RGS7: variants seen among roughly 807,000 people sequenced by gnomAD.
The protein encoded by RGS7 is regulator of G-protein signaling 7.
In RGS7, 27 loss-of-function variants were observed where a neutral mutation model predicts 81.1. The observed-to-expected ratio is 0.33, with a 90% CI of 0.25 to 0.46. The LOEUF (loss-of-function observed/expected upper bound fraction) is 0.46. Among genes scored for constraint, RGS7 ranks in the 20% least tolerant of loss-of-function variants. The pLI is 1.00. For synonymous variants in RGS7, 208 were observed against 207.7 expected, an observed-to-expected ratio of 1.00 and a Z score of -0.01; for missense variants, 396 against 607.4, an observed-to-expected ratio of 0.65 and a Z score of 3.66.
At position 241,290,364 on chromosome 1, in the gene RGS7, T is replaced by G. The variant is rs145358443; in HGVS notation, c.78+65335A>C. Among the ~76,000 whole-genome samples, 75 of 152,348 alleles carry G rather than the reference T, an allele frequency of 4.9e-4. No homozygotes were observed. In the East Asian group the frequency reaches 0.011, roughly 22 times the overall value. On this transcript the variant is annotated intron_variant, in intron 2 of 18. Coordinates refer to ENST00000440928, the MANE Select transcript of RGS7 (RefSeq NM_001364886.1). Reference sequence around the variant, plus strand: ...TAACAGATTGAATTTTTAAAATATATGAATAACTTTTCTGACAAAAGCTTA... The same window carrying G: ...TAACAGATTGAATTTTTAAAATATAGGAATAACTTTTCTGACAAAAGCTTA...
At chr1:240,992,043 G>A (rs1350140891) in intron 3 of RGS7, among the ~76,000 whole-genome samples, 2 of 152,220 alleles carry the variant, frequency 1.3e-5, no homozygotes, top group East Asian at 3.8e-4. Flanking sequence ...TGCTGTATCT[G>A]TTGACAGGTA....
At chr1:241,200,195 AAAT>A (rs1558182350) in intron 2 of RGS7, among the ~76,000 whole-genome samples, 1 of 152,194 alleles carries the variant, frequency 6.6e-6, no homozygotes, top group African/African-American at 2.4e-5. Context: ...CTGGAACTGA[AAAT>A]AATAACAAAA....
rs1176230220 is a variant in RGS7, at chr1:240,881,808, TAAAGTA to T, written c.386-11695_386-11690del. Among the ~76,000 whole-genome samples, 4 of 152,270 alleles carry T rather than the reference TAAAGTA, an allele frequency of 2.6e-5. 1 individual carries two copies. Among genetic ancestry groups the T allele is most frequent in the African/African-American group, 9.6e-5 (4 of 41,558 alleles). On this transcript the variant is annotated intron_variant, in intron 6 of 18. Transcript: ENST00000440928. ...CATAGTAATAAAGACTGTGTTGTCATAAAGTAAGAGTAAGAGTTAACTACTATATGG... is the reference window on the plus strand; with the variant it reads ...CATAGTAATAAAGACTGTGTTGTCATAGAGTAAGAGTTAACTACTATATGG...
intron 2 of RGS7, among the ~76,000 whole-genome samples, chr1:241,353,198 C>T (rs1278761504): frequency 6.6e-6 from 1 of 152,134 alleles, no homozygotes; most frequent in Non-Finnish European, 1.5e-5. Flanking sequence ...GTGTTTATTC[C>T]TTTATGAAGG....
intron 6 of RGS7, among the ~76,000 whole-genome samples, chr1:240,890,539 T>A (rs1331539071): frequency 6.6e-6 from 1 of 152,022 alleles, no homozygotes; most frequent in Non-Finnish European, 1.5e-5. Context: ...TTGCTTAAAG[T>A]TAAAAATAAT....
chr1:240,819,841 C>T (rs928667504), intron 10 of RGS7, among the ~76,000 whole-genome samples: 12 of 152,174 alleles, frequency 7.9e-5, no homozygotes, highest in Admixed American at 2.6e-4. Context: ...GCTACTTGCT[C>T]TGAAGTTACT....
At chr1:241,043,663 AT>A (rs1198248188) in intron 3 of RGS7, among the ~76,000 whole-genome samples, 1 of 145,266 alleles carries the variant, frequency 6.9e-6, no homozygotes, top group African/African-American at 2.6e-5. Context: ...TTTATATAAT[AT>A]TATGTTATAT....
At chr1:240,871,484 G>T (rs1395765351) in intron 6 of RGS7, among the ~76,000 whole-genome samples, 2 of 152,200 alleles carry the variant, frequency 1.3e-5, no homozygotes, top group African/African-American at 4.8e-5. Context: ...ACCACAGAAT[G>T]ATGCTGACAT....
chr1:240,930,636 G>T, intron 6 of RGS7, 81 bp downstream of exon 6: 1 of 1,319,740 alleles, frequency 7.6e-7, no homozygotes, highest in South Asian at 1.2e-5. Flanking sequence ...TTTTCTTAAT[G>T]AAAAAAGCAA....
chr1:240,851,023 G>C (rs1357769035), intron 9 of RGS7, among the ~76,000 whole-genome samples: 1 of 152,206 alleles, frequency 6.6e-6, no homozygotes, highest in Admixed American at 6.5e-5. Flanking sequence ...AGTGTTGATG[G>C]AGAAGCTGCA....
chr1:240,830,671 C>G (rs1693683604), intron 9 of RGS7, among the ~76,000 whole-genome samples: 1 of 152,136 alleles, frequency 6.6e-6, no homozygotes, highest in East Asian at 1.9e-4. Flanking sequence ...AAAACTATGT[C>G]AATTATAGAA....
At chr1:241,255,479 G>A (rs549412171) in intron 2 of RGS7, among the ~76,000 whole-genome samples, 1 of 152,254 alleles carries the variant, frequency 6.6e-6, no homozygotes, top group African/African-American at 2.4e-5. Context: ...TAAACAAAAG[G>A]CATTCTAAGC....
chr1:241,294,057 T>C (rs1573540998), intron 2 of RGS7, among the ~76,000 whole-genome samples: 1 of 152,164 alleles, frequency 6.6e-6, no homozygotes, highest in East Asian at 1.9e-4. Context: ...CCATCGGTGA[T>C]AGACTGGATA....
chr1:241,339,213 T>C (rs2148689297), intron 2 of RGS7, among the ~76,000 whole-genome samples: 1 of 152,362 alleles, frequency 6.6e-6, no homozygotes, highest in Admixed American at 6.5e-5. Flanking sequence ...GCAAACGACA[T>C]GATCTCTTTC....
At chr1:241,295,259 G>GCC (rs2079344247) in intron 2 of RGS7, among the ~76,000 whole-genome samples, 3 of 151,172 alleles carry the variant, frequency 2.0e-5, no homozygotes, top group Non-Finnish European at 4.4e-5. Context: ...CCAGCCTGAC[G>GCC]AACATGATGA....
At chr1:241,113,861 G>T (rs2065703666) in intron 2 of RGS7, among the ~76,000 whole-genome samples, 1 of 152,144 alleles carries the variant, frequency 6.6e-6, no homozygotes, top group Non-Finnish European at 1.5e-5. Context: ...TGGAAATGAG[G>T]TGTCTTCTTT....
At chr1:240,904,414 ATT>A (rs1255020111) in intron 6 of RGS7, among the ~76,000 whole-genome samples, 5 of 152,208 alleles carry the variant, frequency 3.3e-5, no homozygotes, top group African/African-American at 4.8e-5. Flanking sequence ...TGAGAATAAA[ATT>A]AACTTATTTT....
At position 240,913,281 on chromosome 1, in the gene RGS7, C is replaced by T. The variant is rs149118069; in HGVS notation, c.385+17436G>A. ...TATGCATACAGTACATTTATATGCACGAGCATTATTCATATACATGCATAC... is the reference window on the plus strand; with the variant it reads ...TATGCATACAGTACATTTATATGCATGAGCATTATTCATATACATGCATAC... On this transcript the variant is annotated intron_variant, in intron 6 of 18. Transcript: ENST00000440928. Among the ~76,000 whole-genome samples, 1,464 of 152,192 alleles carry T rather than the reference C, an allele frequency of 9.6e-3. 9 individuals are homozygous for T. Among genetic ancestry groups the T allele is most frequent in the Non-Finnish European group, 0.014 (983 of 68,020 alleles).
At chr1:241,232,407 T>G (rs1255821456) in intron 2 of RGS7, among the ~76,000 whole-genome samples, 1 of 151,994 alleles carries the variant, frequency 6.6e-6, no homozygotes, top group African/African-American at 2.4e-5. Flanking sequence ...GGATCTCATT[T>G]TATTGCCCAG....
Sources: gnomAD v4.1 joint callset for allele counts (sites outside exome capture counted in the v4.1 genomes callset) on GRCh38, gnomAD v4.1.1 for gene constraint, MANE v1.5 for transcripts, NCBI Gene and HGNC (gene_info 2026-07-23, HGNC 2026-07-21) for gene names.